RBFOX1: variants seen among roughly 807,000 people sequenced by gnomAD.
The protein encoded by RBFOX1 is RNA binding protein fox-1 homolog 1.
RBFOX1 carries 8 observed loss-of-function variants against 57.7 expected under a neutral mutation model. The ratio of observed to expected loss-of-function variants is 0.14; its 90% CI spans 0.08 to 0.25. RBFOX1 has a LOEUF of 0.25. RBFOX1 is among the 10% of genes least tolerant of loss of function. The pLI is 1.00. For synonymous variants in RBFOX1, 326 were observed against 222.4 expected, an observed-to-expected ratio of 1.47 and a Z score of -4.15; for missense variants, 611 against 548.5, an observed-to-expected ratio of 1.11 and a Z score of -1.14.
At chr16:5,275,340 A>G (rs2063115609) in intron 1 of RBFOX1, among the ~76,000 whole-genome samples, 1 of 152,352 alleles carries the variant, frequency 6.6e-6, no homozygotes, top group Middle Eastern at 3.4e-3. Flanking sequence ...AATATACAAT[A>G]AATTCATTTA....
At chr16:7,379,205 A>G (rs562708117) in intron 4 of RBFOX1, among the ~76,000 whole-genome samples, 14 of 152,204 alleles carry the variant, frequency 9.2e-5, no homozygotes, top group Non-Finnish European at 1.5e-4. Flanking sequence ...GAAGAGAAAA[A>G]AAAGCTGAGA....
chr16:5,395,990 C>A (rs1268323151), intron 1 of RBFOX1, among the ~76,000 whole-genome samples: 1 of 152,210 alleles, frequency 6.6e-6, no homozygotes, highest in Non-Finnish European at 1.5e-5. Context: ...TCAACAGCCC[C>A]ACTGTTGCCT....
At chr16:7,189,874 A>G (rs1218983265) in intron 4 of RBFOX1, among the ~76,000 whole-genome samples, 1 of 152,228 alleles carries the variant, frequency 6.6e-6, no homozygotes, top group Non-Finnish European at 1.5e-5. Context: ...TGTCTGCAAT[A>G]GGCCCAACTC....
intron 3 of RBFOX1, among the ~76,000 whole-genome samples, chr16:5,813,250 C>T (rs1301625678): frequency 6.6e-6 from 1 of 152,118 alleles, no homozygotes; most frequent in South Asian, 2.1e-4. Context: ...TGATGATCCG[C>T]CTATTTCGGC....
chr16:5,945,396 G>T (rs991131498), intron 4 of RBFOX1, among the ~76,000 whole-genome samples: 11 of 152,200 alleles, frequency 7.2e-5, no homozygotes, highest in African/African-American at 2.7e-4. Context: ...GTATTCTGCT[G>T]CTGCTGGACA....
At chr16:7,173,493 T>A (rs981277443) in intron 4 of RBFOX1, among the ~76,000 whole-genome samples, 1 of 121,504 alleles carries the variant, frequency 8.2e-6, no homozygotes, top group Non-Finnish European at 1.9e-5. Context: ...CATTTGACAC[T>A]TTTTTTTTTC....
intron 3 of RBFOX1, among the ~76,000 whole-genome samples, chr16:6,950,549 A>G (rs1281549365): frequency 6.6e-6 from 1 of 152,226 alleles, no homozygotes; most frequent in Non-Finnish European, 1.5e-5. Flanking sequence ...TTCCAGGCTT[A>G]GAAATGAATG....
intron 3 of RBFOX1, among the ~76,000 whole-genome samples, chr16:6,698,828 G>C (rs1304668697): frequency 2.0e-5 from 3 of 152,110 alleles, no homozygotes; most frequent in African/African-American, 7.2e-5. Context: ...TAGTGATATG[G>C]AATTCCATGT....
intron 3 of RBFOX1, among the ~76,000 whole-genome samples, chr16:6,992,006 G>A (rs1339875972): frequency 6.6e-6 from 1 of 152,094 alleles, no homozygotes; most frequent in Non-Finnish European, 1.5e-5. Flanking sequence ...CTGGTGCTAT[G>A]AAAACTACAC....
intron 4 of RBFOX1, among the ~76,000 whole-genome samples, chr16:5,881,612 G>A (rs890119784): frequency 2.6e-5 from 4 of 152,142 alleles, no homozygotes; most frequent in South Asian, 2.1e-4. Flanking sequence ...CCTGGGAGGC[G>A]GAGGTTGCTG....
chr16:5,985,058 T>C (rs2060259329), intron 4 of RBFOX1, among the ~76,000 whole-genome samples: 2 of 146,938 alleles, frequency 1.4e-5, no homozygotes, highest in South Asian at 4.5e-4. Context: ...CGATCTTGGC[T>C]CACTTCCACC....
intron 5 of RBFOX1, among the ~76,000 whole-genome samples, chr16:7,553,251 C>T (rs370383622): frequency 2.6e-5 from 4 of 152,260 alleles, no homozygotes; most frequent in South Asian, 2.1e-4. Flanking sequence ...CTCAAATTAT[C>T]TTCCCAGGTC....
chr16:6,748,511 A>G (rs1416841956), intron 3 of RBFOX1, among the ~76,000 whole-genome samples: 1 of 152,104 alleles, frequency 6.6e-6, no homozygotes, highest in South Asian at 2.1e-4. Flanking sequence ...AAATAAAGAT[A>G]AAAAATTAGC....
chr16:6,983,475 A>G (rs1360148835), intron 3 of RBFOX1, among the ~76,000 whole-genome samples: 1 of 150,776 alleles, frequency 6.6e-6, no homozygotes, highest in African/African-American at 2.4e-5. Flanking sequence ...AGGATTATGG[A>G]AGATGAAAAG....
intron 2 of RBFOX1, among the ~76,000 whole-genome samples, chr16:6,540,964 A>G (rs2096807458): frequency 6.6e-6 from 1 of 152,142 alleles, no homozygotes. Context: ...TCCTGCCAGA[A>G]CCCCCTAGAC....
At chr16:6,430,762 T>C (rs2094056220) in intron 2 of RBFOX1, among the ~76,000 whole-genome samples, 1 of 151,892 alleles carries the variant, frequency 6.6e-6, no homozygotes, top group Non-Finnish European at 1.5e-5. Flanking sequence ...CTATTTGCAT[T>C]TTAGAAAGGC....
intron 3 of RBFOX1, among the ~76,000 whole-genome samples, chr16:5,684,593 A>G (rs773511168): frequency 1.3e-5 from 2 of 152,194 alleles, no homozygotes; most frequent in Non-Finnish European, 2.9e-5. Context: ...TGTTTATAAA[A>G]TGACCCCACG....
At chr16:6,101,697 G>T (rs543670497) in intron 1 of RBFOX1, among the ~76,000 whole-genome samples, 1 of 152,222 alleles carries the variant, frequency 6.6e-6, no homozygotes, top group South Asian at 2.1e-4. Flanking sequence ...TGAGGTGGGT[G>T]GATCACCTGA....
At chr16:7,241,629 C>G (rs561328552) in intron 4 of RBFOX1, among the ~76,000 whole-genome samples, 2 of 152,068 alleles carry the variant, frequency 1.3e-5, no homozygotes, top group East Asian at 1.9e-4. Flanking sequence ...AAAGAAAAAA[C>G]ATTTCTTCTT....
Sources: allele counts gnomAD v4.1 joint callset (sites outside exome capture counted in the v4.1 genomes callset), GRCh38; gene constraint gnomAD v4.1.1; transcripts MANE v1.5; gene names NCBI Gene and HGNC (gene_info 2026-07-23, HGNC 2026-07-21).